Variants in CRYBG3 observed in about 807,000 individuals in gnomAD.
The protein encoded by CRYBG3 is very large A-kinase anchor protein.
In CRYBG3, 127 loss-of-function variants were observed where a neutral mutation model predicts 244.2. The observed-to-expected ratio is 0.52, with a 90% CI of 0.45 to 0.60. The LOEUF (loss-of-function observed/expected upper bound fraction) is 0.60. Ranked by LOEUF, CRYBG3 falls within the 20% of genes least tolerant of loss-of-function variation. The pLI, the probability that CRYBG3 is intolerant of heterozygous loss-of-function variation, is 0.00. For missense variants in CRYBG3, 3,325 were observed against 3,442.5 expected, an observed-to-expected ratio of 0.97 and a Z score of 0.85; for synonymous variants, 1,132 against 1,195.8, an observed-to-expected ratio of 0.95 and a Z score of 1.10.
chr3:97,862,452 T>C (rs749875221), intron 2 of CRYBG3, among the ~76,000 whole-genome samples: 1 of 152,188 alleles, frequency 6.6e-6, no homozygotes, highest in Non-Finnish European at 1.5e-5. Flanking sequence ...ATACTACTTA[T>C]AGAAAAGAAT....
At position 97,872,751 on chromosome 3, in the gene CRYBG3, G is replaced by GA; in HGVS notation, c.1562dup (p.Asn521LysfsTer5). The GA allele has an allele frequency of 6.5e-7, 1 of 1,535,932 alleles. No homozygotes were observed. Among genetic ancestry groups the GA allele is most frequent in the Non-Finnish European group, 8.7e-7 (1 of 1,146,800 alleles). ...AGAGATTGTCTGCCCAAGACTCACA[G>GA]AAAAATGTGGCTGTTAGAGAAATCA... On this transcript the variant is annotated frameshift_variant, in exon 4 of 22. Coordinates refer to ENST00000389622, the MANE Select transcript of CRYBG3 (RefSeq NM_153605.4). LOFTEE classifies it high-confidence loss of function.
rs974572 is a variant in CRYBG3 at position 97,822,174 on chromosome 3, C to T, written c.-33C>T. On this transcript the variant is annotated 5_prime_UTR_variant, in exon 1 of 22. Transcript: ENST00000389622. ...CAGGCAACACCTAGGCCGTTCCCTTCAGACAGCCCCGGGCCAGCGGCCCCC... is the reference window on the plus strand; with the variant it reads ...CAGGCAACACCTAGGCCGTTCCCTTTAGACAGCCCCGGGCCAGCGGCCCCC... 745,921 of 1,486,608 alleles carry T rather than the reference C, an allele frequency of 0.5. 191,348 individuals are homozygous for T. The highest frequency in any genetic ancestry group is 0.7 in the East Asian group (27,502 of 39,274). 92.1% of individuals were successfully genotyped at this position (1,486,608 alleles called of 1,614,324 possible).
At chr3:97,892,756 T>TA (rs140453153) in intron 10 of CRYBG3, 104 bp from the exon 11 acceptor site, 449 of 557,716 alleles carry the variant, frequency 8.1e-4, no homozygotes, top group African/African-American at 2.7e-3. Flanking sequence ...TCATATTAAT[T>TA]AAAAAAAAAT....
chr3:97,842,477 C>T (rs1371128412), intron 1 of CRYBG3, among the ~76,000 whole-genome samples: 1 of 152,032 alleles, frequency 6.6e-6, no homozygotes, highest in African/African-American at 2.4e-5. Context: ...AGGAGGATTG[C>T]TTGAGCCCAA....
At chr3:97,863,609 C>T (rs2039182664) in intron 2 of CRYBG3, among the ~76,000 whole-genome samples, 1 of 152,056 alleles carries the variant, frequency 6.6e-6, no homozygotes, top group African/African-American at 2.4e-5. Context: ...CATATTGTGC[C>T]AGCTTTATGG....
At chr3:97,830,604 ACT>A (rs1172536154) in intron 1 of CRYBG3, among the ~76,000 whole-genome samples, 1 of 152,144 alleles carries the variant, frequency 6.6e-6, no homozygotes, top group Non-Finnish European at 1.5e-5. Flanking sequence ...AAATTTATAG[ACT>A]CAAAATTACT....
intron 1 of CRYBG3, among the ~76,000 whole-genome samples, chr3:97,823,562 T>C (rs1465249895): frequency 6.6e-6 from 1 of 152,266 alleles, no homozygotes; most frequent in Non-Finnish European, 1.5e-5. Flanking sequence ...CAGCTATTAT[T>C]GCTCTGACTG....
At chr3:97,924,228 G>T in intron 17 of CRYBG3, 1 of 330,722 alleles carries the variant, frequency 3.0e-6, no homozygotes, top group Non-Finnish European at 5.8e-6. Flanking sequence ...CCCATTCCAT[G>T]GAAAAAGATA....
chr3:97,860,127 CCT>C (rs1258206821), intron 2 of CRYBG3, among the ~76,000 whole-genome samples: 24 of 152,176 alleles, frequency 1.6e-4, no homozygotes, highest in Non-Finnish European at 2.9e-5. Context: ...CTGTTTAGCA[CCT>C]CAAGTTTTGG....
Position 97,879,686 on chromosome 3 carries a change from C to T in CRYBG3, c.6844-18C>T. On this transcript the variant is annotated intron_variant, in intron 4 of 21. Coordinates refer to ENST00000389622, the MANE Select transcript of CRYBG3 (RefSeq NM_153605.4). ...CCGATGTTTCTTAAAGCTTACTTTT[C>T]CACTTTTATTATTTCAGAATGTTGA... 6.3e-7 allele frequency: 1 copy of T among 1,581,538 alleles called. No individual in the cohort carries two copies. The highest frequency in any genetic ancestry group is 8.6e-7 in the Non-Finnish European group (1 of 1,159,480).
chr3:97,886,800 G>C (rs758568827), intron 8 of CRYBG3, 33 bp downstream of exon 8: 2 of 1,492,644 alleles, frequency 1.3e-6, no homozygotes, highest in Admixed American at 2.3e-5. Context: ...TATAGTGATT[G>C]ATGGCCACCA....
chr3:97,856,381 G>T (rs948355713), intron 2 of CRYBG3, among the ~76,000 whole-genome samples: 6 of 152,074 alleles, frequency 3.9e-5, no homozygotes, highest in Non-Finnish European at 8.8e-5. Flanking sequence ...ATCACATGAT[G>T]AGGATGGCGA....
Position 97,924,388 on chromosome 3 carries a change from A to G in CRYBG3, c.8241+8652A>G, listed in dbSNP as rs979803731. 2.4e-5 allele frequency: 11 copies of G among 454,278 alleles called. No individual in the cohort carries two copies. The East Asian group carries it at 2.8e-4, about 12-fold the overall frequency. The allele number at this position is 454,278 out of a possible 1,614,324, so 28.1% of individuals were successfully genotyped here. A position where few individuals can be genotyped will look rare whatever the true frequency, so the allele number is the denominator to read the frequency against. On this transcript the variant is annotated intron_variant, in intron 17 of 21. Coordinates refer to ENST00000389622, the MANE Select transcript of CRYBG3 (RefSeq NM_153605.4). ...GTAGGATGGATTTCTTCAAACAGAA[A>G]AAGCACAAATGAATAAGAAAAAGGT... is the stretch of plus-strand genomic sequence containing the variant.
intron 14 of CRYBG3, 114 bp downstream of exon 14, chr3:97,899,377 A>C (rs2039677923): frequency 8.9e-7 from 1 of 1,122,344 alleles, no homozygotes; most frequent in Non-Finnish European, 1.3e-6. Context: ...GTGTATATAG[A>C]AAGAAAATGC....
At chr3:97,838,911 T>C (rs936390383) in intron 1 of CRYBG3, among the ~76,000 whole-genome samples, 2 of 152,122 alleles carry the variant, frequency 1.3e-5, no homozygotes, top group African/African-American at 4.8e-5. Context: ...TGGCTGTATG[T>C]TGGATTCGTT....
intron 2 of CRYBG3, among the ~76,000 whole-genome samples, chr3:97,844,834 C>T (rs977835066): frequency 2.0e-5 from 3 of 152,098 alleles, no homozygotes; most frequent in Non-Finnish European, 2.9e-5. Context: ...ATTTTGAGTG[C>T]CGAGGATAAT....
intron 1 of CRYBG3, among the ~76,000 whole-genome samples, chr3:97,842,546 C>A (rs1246093163): frequency 6.6e-6 from 1 of 151,782 alleles, no homozygotes; most frequent in Non-Finnish European, 1.5e-5. Flanking sequence ...CAGAACAAGA[C>A]CATCTCTAAA....
Position 97,933,684 on chromosome 3 carries a change from C to T in CRYBG3, c.8242-10C>T, listed in dbSNP as rs1575975282. 3 of 1,612,122 alleles carry T rather than the reference C, an allele frequency of 1.9e-6. No individual in the cohort carries two copies. The East Asian group carries it at 6.7e-5, about 36-fold the overall frequency. The stretch of plus-strand genomic sequence containing the variant: ...ACTCCTATGGTGACGCTTTCTTTTT[C>T]TGCTAATAGGTTTTTGAAGAACCCT... On this transcript the variant is annotated splice_polypyrimidine_tract_variant and intron_variant, in intron 17 of 21. Transcript: ENST00000389622.
chr3:97,921,688 G>T (rs1229982637), intron 17 of CRYBG3, among the ~76,000 whole-genome samples: 1 of 152,086 alleles, frequency 6.6e-6, no homozygotes, highest in Admixed American at 6.5e-5. Flanking sequence ...AGTCAGACTG[G>T]GTATTAAAAG....
Sources: gnomAD v4.1 joint callset for allele counts (sites outside exome capture counted in the v4.1 genomes callset) on GRCh38, gnomAD v4.1.1 for gene constraint, MANE v1.5 for transcripts, NCBI Gene and HGNC (gene_info 2026-07-23, HGNC 2026-07-21) for gene names.